Variants in DOCK3 observed in about 807,000 individuals in gnomAD.
The protein encoded by DOCK3 is dedicator of cytokinesis 3.
Under a neutral mutation model 265.6 loss-of-function variants are expected in DOCK3, and 60 were observed. That is an observed-to-expected ratio of 0.23 (90% CI 0.18 to 0.28). The LOEUF is 0.28. Ranked by LOEUF, DOCK3 falls within the 10% of genes least tolerant of loss-of-function variation. The pLI is 1.00. For synonymous variants in DOCK3, 881 were observed against 938.0 expected (o/e 0.94, Z 1.11); for missense variants, 1,981 against 2,594.3 (o/e 0.76, Z 5.14).
chr3:50,889,876 G>A, intron 3 of DOCK3, 150 bp from the exon 4 acceptor site: 1 of 510,144 alleles, frequency 2.0e-6, no homozygotes, highest in South Asian at 4.9e-5. Context: ...AATATACTTT[G>A]TACAGCTCTG....
intron 3 of DOCK3, among the ~76,000 whole-genome samples, chr3:50,875,801 A>G (rs1238279046): frequency 6.6e-6 from 1 of 151,788 alleles, no homozygotes; most frequent in Non-Finnish European, 1.5e-5. Flanking sequence ...GTATCAGAGC[A>G]GTGCTTGCCT....
At chr3:50,692,696 G>T (rs2035334406) in intron 1 of DOCK3, among the ~76,000 whole-genome samples, 1 of 152,196 alleles carries the variant, frequency 6.6e-6, no homozygotes, top group Non-Finnish European at 1.5e-5. Flanking sequence ...TTTTCACTGT[G>T]TTGATGGTGT....
intron 10 of DOCK3, among the ~76,000 whole-genome samples, chr3:51,152,144 G>A (rs2085632452): frequency 6.6e-6 from 1 of 152,074 alleles, no homozygotes; most frequent in African/African-American, 2.4e-5. Flanking sequence ...ATCAGACGTA[G>A]ATTTGGTCTT....
intron 12 of DOCK3, among the ~76,000 whole-genome samples, chr3:51,173,908 T>G (rs2107655354): frequency 6.6e-6 from 1 of 152,294 alleles, no homozygotes; most frequent in East Asian, 1.9e-4. Flanking sequence ...TCTTTCCTCC[T>G]TCTGGGACAA....
At chr3:51,271,851 G>GAAA (rs766713829) in intron 24 of DOCK3, among the ~76,000 whole-genome samples, 5 of 65,558 alleles carry the variant, frequency 7.6e-5, no homozygotes, top group East Asian at 4.3e-4. Context: ...ACTGTCTCAG[G>GAAA]AAAAAAAAAA....
intron 3 of DOCK3, among the ~76,000 whole-genome samples, chr3:50,847,100 G>A (rs1335969316): frequency 6.6e-6 from 1 of 151,854 alleles, no homozygotes; most frequent in Non-Finnish European, 1.5e-5. Flanking sequence ...ACTTTTTGAG[G>A]TAGGTGTTTA....
intron 1 of DOCK3, among the ~76,000 whole-genome samples, chr3:50,777,666 A>G (rs1182732529): frequency 6.6e-6 from 1 of 151,130 alleles, no homozygotes; most frequent in Non-Finnish European, 1.5e-5. Context: ...TTTTATTTTT[A>G]TTTTTTGCAG....
chr3:50,716,541 A>G (rs528617896), intron 1 of DOCK3, among the ~76,000 whole-genome samples: 40 of 151,620 alleles, frequency 2.6e-4, no homozygotes, highest in South Asian at 8.3e-4. Context: ...AAAAAACTTA[A>G]AAGTATAATA....
intron 5 of DOCK3, among the ~76,000 whole-genome samples, chr3:50,970,948 ATG>A (rs71637577): frequency 0.015 from 767 of 51,674 alleles, 72 homozygotes; most frequent in African/African-American, 0.064. Context: ...TATATATATA[ATG>A]TGTGTGTGTG....
At chr3:51,215,395 T>G (rs2089725496) in intron 14 of DOCK3, among the ~76,000 whole-genome samples, 1 of 152,154 alleles carries the variant, frequency 6.6e-6, no homozygotes, top group Admixed American at 6.5e-5. Context: ...CCTCCCAAAG[T>G]GCTGGGATTA....
At chr3:51,270,705 G>A in intron 23 of DOCK3, 110 bp from the exon 24 acceptor site, 1 of 1,169,628 alleles carries the variant, frequency 8.5e-7, no homozygotes, top group Non-Finnish European at 1.2e-6. Flanking sequence ...CGAAGGCAGA[G>A]ATGCTACAGT....
chr3:50,715,293 G>A (rs2037032173), intron 1 of DOCK3, among the ~76,000 whole-genome samples: 2 of 152,340 alleles, frequency 1.3e-5, no homozygotes, highest in East Asian at 3.9e-4. Context: ...GCTCATGCCT[G>A]TAATCCCGGT....
At chr3:51,353,629 A>G (rs1357931341) in intron 40 of DOCK3, among the ~76,000 whole-genome samples, 1 of 151,840 alleles carries the variant, frequency 6.6e-6, no homozygotes, top group Non-Finnish European at 1.5e-5. Flanking sequence ...ACAAAAAAAC[A>G]ATACAGACAC....
At chr3:51,316,637 G>A (rs989648204) in intron 32 of DOCK3, among the ~76,000 whole-genome samples, 1 of 152,142 alleles carries the variant, frequency 6.6e-6, no homozygotes, top group Non-Finnish European at 1.5e-5. Context: ...TTATCTGTTC[G>A]TTTGTTTTAG....
chr3:50,756,680 A>G (rs1295912270), intron 1 of DOCK3, among the ~76,000 whole-genome samples: 1 of 152,148 alleles, frequency 6.6e-6, no homozygotes, highest in Non-Finnish European at 1.5e-5. Flanking sequence ...ATTTTCACCA[A>G]TAATGCATCC....
At chr3:51,069,787 G>T (rs2081773423) in intron 6 of DOCK3, among the ~76,000 whole-genome samples, 1 of 152,130 alleles carries the variant, frequency 6.6e-6, no homozygotes, top group African/African-American at 2.4e-5. Flanking sequence ...AGTTTAGTTT[G>T]TTATATGCAG....
intron 9 of DOCK3, among the ~76,000 whole-genome samples, chr3:51,139,245 C>T (rs2084935982): frequency 6.9e-6 from 1 of 145,212 alleles, no homozygotes; most frequent in Non-Finnish European, 1.5e-5. Flanking sequence ...TGGCTCCACT[C>T]AACTGCAGTG....
chr3:50,934,124 C>A, intron 5 of DOCK3, 47 bp downstream of exon 5: 2 of 1,335,862 alleles, frequency 1.5e-6, no homozygotes, highest in Non-Finnish European at 2.1e-6. Flanking sequence ...GTTTAGTGTA[C>A]CAAGTAAAAA....
intron 38 of DOCK3, 23 bp downstream of exon 38, chr3:51,341,408 T>C: frequency 6.2e-7 from 1 of 1,612,158 alleles, no homozygotes; most frequent in Non-Finnish European, 8.5e-7. Context: ...AGGCAAGCCC[T>C]TTAGCCCTTC....
Sources: allele counts gnomAD v4.1 joint callset (sites outside exome capture counted in the v4.1 genomes callset), GRCh38; gene constraint gnomAD v4.1.1; transcripts MANE v1.5; gene names NCBI Gene and HGNC (gene_info 2026-07-23, HGNC 2026-07-21).